Variants in DMBT1 observed in about 807,000 individuals in gnomAD.
DMBT1 encodes deleted in malignant brain tumors 1, also known as scavenger receptor cysteine-rich domain-containing protein DMBT1.
Under a neutral mutation model 252.9 loss-of-function variants are expected in DMBT1, and 198 were observed. The observed-to-expected ratio is 0.78, with a 90% CI of 0.70 to 0.88. The LOEUF is 0.88. Ranked by LOEUF, DMBT1 falls within the 40% of genes least tolerant of loss-of-function variation. DMBT1 has a pLI of 0.00. For synonymous variants in DMBT1, 990 were observed against 942.7 expected (o/e 1.05, Z -0.92); for missense variants, 2,432 against 2,404.7 (o/e 1.01, Z -0.24).
Position 122,636,061 on chromosome 10 carries a change from G to A in DMBT1, c.6619G>A (p.Ala2207Thr), listed in dbSNP as rs1316796359. Residue 2207 changes from alanine (A) to threonine (T), a missense_variant, in exon 53 of 56, where the codon GCT becomes ACT. By Grantham distance (58) the Ala-to-Thr change is moderately conservative (BLOSUM62 0). Around this residue, in one of 3 missense-constraint regions of DMBT1, gnomAD observed 1,162 missense variants for 1,169.0 expected, o/e 0.99. Coordinates refer to ENST00000338354, the MANE Select transcript of DMBT1 (RefSeq NM_001377530.1). ...DGPYRSSPLI[A>T]RVCDGARGSF... ...CCCCTACCGCAGTTCCCCTCTCATT[G>A]CTCGAGTTTGTGATGGGGCCAGAGG... 2 of 1,613,954 alleles carry A rather than the reference G, an allele frequency of 1.2e-6. No individual in the cohort carries two copies. The highest frequency in any genetic ancestry group is 8.5e-7 in the Non-Finnish European group (1 of 1,179,882).
At position 122,586,106 on chromosome 10, in the gene DMBT1, G is replaced by A; in HGVS notation, c.1506G>A (p.Arg502=). 1 of 1,589,080 alleles carries A rather than the reference G, an allele frequency of 6.3e-7. No homozygotes were observed. Among genetic ancestry groups the A allele is most frequent in the Non-Finnish European group, 8.6e-7 (1 of 1,166,064 alleles). Residue 502 remains arginine (R), a synonymous_variant, in exon 16 of 56, where the codon AGG becomes AGA. Coordinates refer to ENST00000338354, the MANE Select transcript of DMBT1 (RefSeq NM_001377530.1). ...TGAGGCTGGTGAATGGAGGTGACAG[G>A]TGTCAGGGCCGAGTGGAGGTCCTAT... ...LALRLVNGGD[R]CQGRVEVLYR... is the part of the protein sequence containing the mutation.
rs934368871 is a variant in DMBT1, at chr10:122,585,390, G to T, written c.1459+81G>T. 4 of 1,495,358 alleles carry T rather than the reference G, an allele frequency of 2.7e-6. 1 individual carries two copies. The African/African-American group carries it at 4.1e-5, about 15-fold the overall frequency. 92.6% of individuals were successfully genotyped at this position (1,495,358 alleles called of 1,614,324 possible). ...TTTTTTCTGAAATGATAGGATGAGG[G>T]TCAAGGTGGGCCCCTCTGTTTTTCA... On this transcript the variant is annotated intron_variant, in intron 15 of 55. Transcript: ENST00000338354.
chr10:122,619,288 T>C lies in DMBT1; in HGVS notation c.5216-20T>C, dbSNP rs778754759. On this transcript the variant is annotated intron_variant, in intron 41 of 55. Transcript: ENST00000338354. ...TCTGTATAGTGCATCTGATCTGACC[T>C]TCTCTTCTCTTTCTCACAGCTGCTC... 6.2e-7 allele frequency: 1 copy of C among 1,613,926 alleles called. No individual in the cohort carries two copies. Among genetic ancestry groups the C allele is most frequent in the Non-Finnish European group, 8.5e-7 (1 of 1,179,848 alleles).
At chr10:122,628,590 C>T (rs537524939) in intron 46 of DMBT1, among the ~76,000 whole-genome samples, 23 of 152,210 alleles carry the variant, frequency 1.5e-4, no homozygotes, top group African/African-American at 4.3e-4. Context: ...AAGCTGAGAT[C>T]GTGCCACTGC....
At position 122,631,124 on chromosome 10, in the gene DMBT1, A is replaced by G; in HGVS notation, c.6189A>G (p.Ser2063=). ...CRQLGCGRAV[S]ALGNAYFGSG... ...AGCTAGGGTGTGGACGTGCAGTTTCAGCCCTTGGAAATGCATATTTTGGCT... is the reference window on the plus strand; with the variant it reads ...AGCTAGGGTGTGGACGTGCAGTTTCGGCCCTTGGAAATGCATATTTTGGCT... Residue 2063 remains serine (S), a synonymous_variant, in exon 49 of 56, where the codon TCA becomes TCG. Transcript: ENST00000338354. 1 of 1,613,976 alleles carries G rather than the reference A, an allele frequency of 6.2e-7. No homozygotes were observed. Among genetic ancestry groups the G allele is most frequent in the Non-Finnish European group, 8.5e-7 (1 of 1,179,896 alleles).
chr10:122,639,510 A>G (rs889279464), intron 54 of DMBT1, among the ~76,000 whole-genome samples: 4 of 152,142 alleles, frequency 2.6e-5, no homozygotes, highest in Non-Finnish European at 5.9e-5. Flanking sequence ...CGGGGGTCAC[A>G]AGGTGCTCAG....
rs1002206366 is a variant in DMBT1 at position 122,586,808 on chromosome 10, C to G, written c.1783+425C>G. Among the ~76,000 whole-genome samples, 6 of 148,338 alleles carry G rather than the reference C, an allele frequency of 4.0e-5. 1 individual carries two copies. The highest frequency in any genetic ancestry group is 9.0e-5 in the Non-Finnish European group (6 of 66,698). On this transcript the variant is annotated intron_variant, in intron 16 of 55. Coordinates refer to ENST00000338354, the MANE Select transcript of DMBT1 (RefSeq NM_001377530.1). ...TGCTGAGGACCTCAGGCTGCTTGTA[C>G]TCCTGGCAGAGGGGATGGGGAGCTG...
Position 122,640,035 on chromosome 10 carries a change from C to T in DMBT1, c.6943-5C>T. 1 of 1,612,456 alleles carries T rather than the reference C, an allele frequency of 6.2e-7. No individual in the cohort carries two copies. The highest frequency in any genetic ancestry group is 1.3e-5 in the African/African-American group (1 of 75,040). ...TGACTCTGCTCTCTTGCCTGCCTCTCCTAGGCAGACAATGACACCATCGAC... is the reference window on the plus strand; with the variant it reads ...TGACTCTGCTCTCTTGCCTGCCTCTTCTAGGCAGACAATGACACCATCGAC... On this transcript the variant is annotated splice_region_variant and splice_polypyrimidine_tract_variant and intron_variant, in intron 54 of 55. Transcript: ENST00000338354.
chr10:122,600,920 C>A, intron 27 of DMBT1, 71 bp from the exon 28 acceptor site: 1 of 673,592 alleles, frequency 1.5e-6, no homozygotes, highest in East Asian at 2.7e-5. Flanking sequence ...TTCCCCCTCC[C>A]AGAGAACCTT....
intron 44 of DMBT1, among the ~76,000 whole-genome samples, chr10:122,622,018 CAG>C (rs1008336707): frequency 1.3e-5 from 2 of 152,174 alleles, no homozygotes; most frequent in Non-Finnish European, 2.9e-5. Context: ...GAAGATCACA[CAG>C]GGGATTTTTG....
In DMBT1 at chr10:122,592,616, G is replaced by C. The variant is rs771337921; in HGVS notation, c.2500+21G>C. 4 of 1,588,162 alleles carry C rather than the reference G, an allele frequency of 2.5e-6. 1 individual carries two copies. Among genetic ancestry groups the C allele is most frequent in the African/African-American group, 2.7e-5 (2 of 74,554 alleles). The stretch of plus-strand genomic sequence containing the variant: ...CTCAGGTGGGCCTCCAAGACCTTGG[G>C]CTCCCTCTCCTAGACTGGAGTTTGC... On this transcript the variant is annotated intron_variant, in intron 20 of 55. Coordinates refer to ENST00000338354, the MANE Select transcript of DMBT1 (RefSeq NM_001377530.1).
At chr10:122,590,773 C>T in intron 18 of DMBT1, 79 bp downstream of exon 18, 1 of 1,504,490 alleles carries the variant, frequency 6.6e-7, no homozygotes, top group East Asian at 2.4e-5. Context: ...ACAGAGCCCT[C>T]CTTCTTACCT....
rs2098233882 is a variant in DMBT1 at position 122,637,203 on chromosome 10, G to A, written c.6833G>A (p.Ser2278Asn). Residue 2278 changes from serine (S) to asparagine (N), a missense_variant, in exon 54 of 56, where the codon AGT becomes AAT. Ser to Asn is a conservative substitution (Grantham distance 46). Transcript: ENST00000338354. ...SYLQSLGFSA[S>N]DLVISTWNGY... Reference sequence around the variant, plus strand: ...CTCCAATCCTTGGGCTTTTCTGCCAGTGACCTTGTCATTTCCACCTGGAAT... The same window carrying A: ...CTCCAATCCTTGGGCTTTTCTGCCAATGACCTTGTCATTTCCACCTGGAAT... 6.2e-7 allele frequency: 1 copy of A among 1,613,900 alleles called. No homozygotes were observed. Among genetic ancestry groups the A allele is most frequent in the Admixed American group, 1.7e-5 (1 of 60,014 alleles).
intron 25 of DMBT1, among the ~76,000 whole-genome samples, chr10:122,598,380 A>C (rs2097905029): frequency 6.6e-6 from 1 of 152,196 alleles, no homozygotes; most frequent in Non-Finnish European, 1.5e-5. Flanking sequence ...CTGTCTGGCC[A>C]AGGCCTTGTC....
chr10:122,642,400 A>C (rs1313141224), intron 55 of DMBT1, among the ~76,000 whole-genome samples: 1 of 152,190 alleles, frequency 6.6e-6, no homozygotes, highest in East Asian at 1.9e-4. Flanking sequence ...CATGCCCTTC[A>C]AAATCCCACC....
At chr10:122,627,987 A>G (rs1291766361) in intron 46 of DMBT1, among the ~76,000 whole-genome samples, 2 of 152,262 alleles carry the variant, frequency 1.3e-5, no homozygotes, top group Non-Finnish European at 2.9e-5. Context: ...AACACCCAGT[A>G]GGTGGGCTGT....
intron 40 of DMBT1, among the ~76,000 whole-genome samples, 166 bp downstream of exon 40, chr10:122,617,426 T>A (rs1438587410): frequency 6.6e-6 from 1 of 151,304 alleles, no homozygotes; most frequent in Non-Finnish European, 1.5e-5. Flanking sequence ...GTTTGATGTT[T>A]GAGGATGGAG....
rs371208152 is a variant in DMBT1 at position 122,570,158 on chromosome 10, G to A, written c.92-4G>A. On this transcript the variant is annotated splice_polypyrimidine_tract_variant and splice_region_variant and intron_variant, in intron 2 of 55. Coordinates refer to ENST00000338354, the MANE Select transcript of DMBT1 (RefSeq NM_001377530.1). ...CAATGAGCTCTTCCTTTTCCACCTCGCAGCTTCACTGATTCCCTCGGAGGT... is the reference window on the plus strand; with the variant it reads ...CAATGAGCTCTTCCTTTTCCACCTCACAGCTTCACTGATTCCCTCGGAGGT... 46 of 1,590,982 alleles carry A rather than the reference G, an allele frequency of 2.9e-5. No individual in the cohort carries two copies. The Middle Eastern group carries it at 8.3e-4, about 29-fold the overall frequency.
rs528049277 is a variant in DMBT1 at position 122,589,075 on chromosome 10, G to T, written c.1915G>T (p.Val639Phe). ...CTGGGACACCAATGATGCCAATGTG[G>T]TCTGCAGGCAGCTGGGCTGTGGCTG... is the stretch of plus-strand genomic sequence containing the variant. ...DSWDTNDANV[V>F]CRQLGCGWAT... The change falls in exon 17 of 56, where the codon GTC becomes TTC. Residue 639 changes from valine to phenylalanine, a missense_variant. This residue lies in a region of DMBT1 where 1,264 missense variants were observed against 1,082.2 expected (regional missense o/e 1.17). Coordinates refer to ENST00000338354, the MANE Select transcript of DMBT1 (RefSeq NM_001377530.1). 236 of 1,588,866 alleles carry T rather than the reference G, an allele frequency of 1.5e-4. 43 individuals are homozygous for T. In the South Asian group the frequency reaches 2.2e-3, roughly 15 times the overall value.
Sources: allele counts gnomAD v4.1 joint callset (sites outside exome capture counted in the v4.1 genomes callset), GRCh38; gene constraint gnomAD v4.1.1; regional missense constraint gnomAD v4.1.1; transcripts MANE v1.5; gene names NCBI Gene and HGNC (gene_info 2026-07-23, HGNC 2026-07-21).